Variants in SEL1L2 observed in about 807,000 individuals in gnomAD.
The protein encoded by SEL1L2 is SEL1L2 adaptor subunit of SYVN1 ubiquitin ligase.
In SEL1L2, 89 loss-of-function variants were observed where a neutral mutation model predicts 98.8. The ratio of observed to expected loss-of-function variants is 0.90; its 90% CI spans 0.76 to 1.07. The LOEUF is 1.07. SEL1L2 is among the 50% of genes least tolerant of loss of function. The pLI is 0.00. For synonymous variants in SEL1L2, 262 were observed against 278.5 expected (o/e 0.94, Z 0.59); for missense variants, 788 against 812.0 (o/e 0.97, Z 0.36).
chr20:13,945,911 C>A (rs987229951), intron 2 of SEL1L2, among the ~76,000 whole-genome samples: 12 of 151,884 alleles, frequency 7.9e-5, no homozygotes, highest in African/African-American at 2.7e-4. Flanking sequence ...AAGCATTCAA[C>A]AAACAAAGAA....
Position 13,888,042 on chromosome 20 carries a change from G to A in SEL1L2, c.604-41C>T, listed in dbSNP as rs1194014557. 5 of 1,568,522 alleles carry A rather than the reference G, an allele frequency of 3.2e-6. No homozygotes were observed. The African/African-American group carries it at 5.5e-5, about 17-fold the overall frequency. ...ACAAACAAAAAACCCCCCAAACCAG[G>A]TTGGCCATTTAAATTTGAAACTCAA... On this transcript the variant is annotated intron_variant, in intron 6 of 19. Coordinates refer to ENST00000284951, the MANE Select transcript of SEL1L2 (RefSeq NM_025229.2).
chr20:13,851,949 T>A (rs1002604302), intron 18 of SEL1L2, among the ~76,000 whole-genome samples: 5 of 152,240 alleles, frequency 3.3e-5, no homozygotes, highest in Non-Finnish European at 7.3e-5. Flanking sequence ...TAAATTGATT[T>A]GTTGAAGAAA....
intron 17 of SEL1L2, among the ~76,000 whole-genome samples, chr20:13,860,328 C>G (rs909904259): frequency 6.6e-6 from 1 of 152,224 alleles, no homozygotes; most frequent in African/African-American, 2.4e-5. Context: ...AGCTTCACCT[C>G]CCATGGACTC....
chr20:13,908,229 T>C (rs892918737), intron 5 of SEL1L2, among the ~76,000 whole-genome samples: 1 of 146,258 alleles, frequency 6.8e-6, no homozygotes, highest in Non-Finnish European at 1.5e-5. Context: ...GTGATCCTTC[T>C]GCCTTAGCCT....
At chr20:13,982,727 T>A (rs2051900515) in intron 1 of SEL1L2, among the ~76,000 whole-genome samples, 1 of 151,696 alleles carries the variant, frequency 6.6e-6, no homozygotes, top group Admixed American at 6.6e-5. Context: ...TATTTTACAC[T>A]ACCTTAAAGC....
At chr20:13,857,881 G>A (rs1270978603) in intron 18 of SEL1L2, among the ~76,000 whole-genome samples, 1 of 152,102 alleles carries the variant, frequency 6.6e-6, no homozygotes, top group African/African-American at 2.4e-5. Flanking sequence ...TAATGCCTGG[G>A]GCAGGGCAGA....
chr20:13,888,895 C>G (rs1052177177), intron 5 of SEL1L2, among the ~76,000 whole-genome samples: 1 of 151,144 alleles, frequency 6.6e-6, no homozygotes, highest in African/African-American at 2.4e-5. Context: ...ATCTACCCGC[C>G]TCGGCCTCCC....
intron 1 of SEL1L2, among the ~76,000 whole-genome samples, chr20:13,970,398 G>T (rs2051229013): frequency 6.6e-6 from 1 of 152,210 alleles, no homozygotes; most frequent in African/African-American, 2.4e-5. Context: ...ATGTATAAGG[G>T]TTTGTTAGGG....
chr20:13,885,689 T>A (rs910232587), intron 9 of SEL1L2, among the ~76,000 whole-genome samples: 19 of 152,108 alleles, frequency 1.2e-4, no homozygotes, highest in Admixed American at 1.3e-4. Flanking sequence ...GCAAATACTG[T>A]CCCATTCCCA....
intron 2 of SEL1L2, among the ~76,000 whole-genome samples, chr20:13,939,035 GTTTTGTTTT>G (rs939420513): frequency 6.4e-5 from 2 of 31,472 alleles, no homozygotes; most frequent in African/African-American, 1.1e-4. Context: ...TTGTTTGCTT[GTTTTGTTTT>G]TTTTTTTTTT....
At chr20:13,907,702 C>T (rs149394061) in intron 5 of SEL1L2, among the ~76,000 whole-genome samples, 12 of 59,112 alleles carry the variant, frequency 2.0e-4, no homozygotes, top group African/African-American at 2.7e-4. Flanking sequence ...CTTTCTTTCT[C>T]TTTCTTTCTT....
chr20:13,951,909 G>A (rs1301480159), intron 2 of SEL1L2, among the ~76,000 whole-genome samples: 1 of 151,908 alleles, frequency 6.6e-6, no homozygotes, highest in African/African-American at 2.4e-5. Context: ...AAAGGGATGG[G>A]TAATGTAAAA....
At chr20:13,926,047 C>A (rs558942853) in intron 3 of SEL1L2, among the ~76,000 whole-genome samples, 3 of 152,154 alleles carry the variant, frequency 2.0e-5, no homozygotes, top group Admixed American at 6.5e-5. Flanking sequence ...GGCCGGGAGC[C>A]GTGGCTCACG....
chr20:13,918,101 C>T (rs1322971109), intron 4 of SEL1L2, among the ~76,000 whole-genome samples: 2 of 152,038 alleles, frequency 1.3e-5, no homozygotes, highest in Non-Finnish European at 2.9e-5. Flanking sequence ...AGGGCCCACA[C>T]TTTCTATTAT....
intron 1 of SEL1L2, among the ~76,000 whole-genome samples, chr20:13,983,278 G>A (rs2051956609): frequency 6.6e-6 from 1 of 151,828 alleles, no homozygotes; most frequent in African/African-American, 2.4e-5. Context: ...GAATAGTTAT[G>A]TCCCCCTCAA....
intron 15 of SEL1L2, among the ~76,000 whole-genome samples, 178 bp from the exon 16 acceptor site, chr20:13,865,692 G>T (rs1325238853): frequency 1.3e-5 from 2 of 152,192 alleles, no homozygotes; most frequent in African/African-American, 4.8e-5. Flanking sequence ...TAGGCACAAA[G>T]ATCAGAAGTG....
chr20:13,986,906 C>A (rs911265656), intron 1 of SEL1L2, among the ~76,000 whole-genome samples: 81 of 152,224 alleles, frequency 5.3e-4, no homozygotes, highest in Non-Finnish European at 3.4e-4. Flanking sequence ...GATCTCGACT[C>A]ACTGCAAGCT....
At chr20:13,891,196 C>T (rs2047190165) in intron 5 of SEL1L2, among the ~76,000 whole-genome samples, 1 of 152,006 alleles carries the variant, frequency 6.6e-6, no homozygotes, top group African/African-American at 2.4e-5. Flanking sequence ...CGAAGAGCCC[C>T]AAACCAAGAC....
intron 2 of SEL1L2, among the ~76,000 whole-genome samples, chr20:13,933,549 T>G (rs912337785): frequency 6.6e-6 from 1 of 152,192 alleles, no homozygotes; most frequent in African/African-American, 2.4e-5. Flanking sequence ...CTGGCTTCTT[T>G]CACTTAGATT....
Sources: gnomAD v4.1 joint callset for allele counts (sites outside exome capture counted in the v4.1 genomes callset) on GRCh38, gnomAD v4.1.1 for gene constraint, MANE v1.5 for transcripts, NCBI Gene and HGNC (gene_info 2026-07-23, HGNC 2026-07-21) for gene names.